The following FAM149B1 variants were observed in gnomAD, a reference collection of about 807,000 sequenced individuals.
FAM149B1 encodes primary cilium assembly protein FAM149B1.
FAM149B1 carries 56 observed loss-of-function variants against 75.3 expected under a neutral mutation model. The ratio of observed to expected loss-of-function variants is 0.74; its 90% CI spans 0.60 to 0.93. FAM149B1 has a LOEUF of 0.93. Among genes scored for constraint, FAM149B1 ranks in the 40% least tolerant of loss-of-function variants. The probability of loss-of-function intolerance (pLI) is 0.00; values close to 1 mark genes in which losing one functional copy is unlikely to be tolerated. For synonymous variants in FAM149B1, 259 were observed against 256.1 expected, an observed-to-expected ratio of 1.01 and a Z score of -0.11; for missense variants, 639 against 708.4, an observed-to-expected ratio of 0.90 and a Z score of 1.11.
Position 73,204,944 on chromosome 10 carries a change from ATTTTTTTTTTTTTTTTTTTTTTTTTT to A in FAM149B1, c.543-3648_543-3623del, listed in dbSNP as rs71021549. Among the ~76,000 whole-genome samples the A allele has an allele frequency of 6.3e-3, 232 of 36,580 alleles. 3 individuals are homozygous for A. The highest frequency in any genetic ancestry group is 9.9e-3 in the Non-Finnish European group (190 of 19,140). 24.0% of individuals were successfully genotyped at this position (36,580 alleles called of 152,430 possible). A position where few individuals can be genotyped will look rare whatever the true frequency, so the allele number is the denominator to read the frequency against. On this transcript the variant is annotated intron_variant, in intron 5 of 13. Transcript: ENST00000242505. The stretch of plus-strand genomic sequence containing the variant: ...AGGCACCCGCCACCATGCCTGGCTA[ATTTTTTTTTTTTTTTTTTTTTTTTTT>A]TTTTTTTTTTTTTTTTTTTTTTTTT...
intron 8 of FAM149B1, 108 bp from the exon 9 acceptor site, chr10:73,230,314 A>G (rs2043656984): frequency 6.0e-6 from 4 of 665,884 alleles, no homozygotes; most frequent in South Asian, 5.2e-5. Context: ...AAGCATGGGG[A>G]AAAAGTATAA....
Position 73,243,967 on chromosome 10 carries a change from G to A in FAM149B1, c.*2948G>A, listed in dbSNP as rs2043980826. 3 of 1,551,518 alleles carry A rather than the reference G, an allele frequency of 1.9e-6. No individual in the cohort carries two copies. The highest frequency in any genetic ancestry group is 1.4e-5 in the African/African-American group (1 of 73,024). On this transcript the variant is annotated 3_prime_UTR_variant, in exon 14 of 14. Coordinates refer to ENST00000242505, the MANE Select transcript of FAM149B1 (RefSeq NM_173348.2). ...CTCACATGAGACTCAGGGCCACCAG[G>A]AAATGCTTAAAATACATACTCTTTC...
chr10:73,236,862 C>T (rs755684282), intron 12 of FAM149B1, among the ~76,000 whole-genome samples: 5 of 151,630 alleles, frequency 3.3e-5, no homozygotes, highest in Non-Finnish European at 7.4e-5. Context: ...ACTACAGGCA[C>T]ATGCCACCAT....
At chr10:73,233,237 A>G (rs368400548) in intron 10 of FAM149B1, 74 bp downstream of exon 10, 6 of 1,060,002 alleles carry the variant, frequency 5.7e-6, no homozygotes, top group East Asian at 2.6e-5. Flanking sequence ...TAATTTAAAT[A>G]TAAGACTGAA....
intron 1 of FAM149B1, chr10:73,168,796 A>G (rs1843569860): frequency 5.9e-6 from 1 of 170,878 alleles, no homozygotes; most frequent in Non-Finnish European, 1.3e-5. Flanking sequence ...TGCACATTCT[A>G]CAGATAAAGA....
chr10:73,199,439 G>A (rs1173877665), intron 5 of FAM149B1, among the ~76,000 whole-genome samples: 1 of 152,036 alleles, frequency 6.6e-6, no homozygotes, highest in Non-Finnish European at 1.5e-5. Context: ...GGATGGTCTC[G>A]ATCTCCTGAC....
intron 7 of FAM149B1, among the ~76,000 whole-genome samples, chr10:73,224,097 C>G (rs906343389): frequency 2.6e-5 from 4 of 152,268 alleles, no homozygotes; most frequent in African/African-American, 9.6e-5. Flanking sequence ...TGAAATGGAG[C>G]TGGAGGATCT....
intron 6 of FAM149B1, 133 bp from the exon 7 acceptor site, chr10:73,210,118 G>T (rs2043155133): frequency 4.8e-6 from 3 of 619,074 alleles, no homozygotes; most frequent in Admixed American, 3.0e-5. Flanking sequence ...CTTCTATTTG[G>T]CCTTTGTCAA....
At position 73,244,193 on chromosome 10, in the gene FAM149B1, T is replaced by C. The variant is rs560278992; in HGVS notation, c.*3174T>C. 1.9e-5 allele frequency: 8 copies of C among 426,440 alleles called. No homozygotes were observed. In the South Asian group the frequency reaches 2.1e-4, roughly 11 times the overall value. The allele number at this position is 426,440 out of a possible 1,614,324, so 26.4% of individuals were successfully genotyped here. On this transcript the variant is annotated 3_prime_UTR_variant, in exon 14 of 14. Transcript: ENST00000242505. ...AGTACTCTGGCACTCATAAATCACA[T>C]GATGATAAAAAGGAACATGAGGCCG...
chr10:73,190,960 C>A (rs891577309), intron 3 of FAM149B1, among the ~76,000 whole-genome samples: 7 of 152,112 alleles, frequency 4.6e-5, no homozygotes, highest in Non-Finnish European at 1.0e-4. Context: ...CTCAAGTGAT[C>A]CTCCCCACTC....
rs1425508379 is a variant in FAM149B1, at chr10:73,200,522, T to C, written c.542+6929T>C. The C allele has an allele frequency of 1.7e-5, 12 of 702,018 alleles. No homozygotes were observed. In the African/African-American group the frequency reaches 2.1e-4, roughly 13 times the overall value. 43.5% of individuals were successfully genotyped at this position (702,018 alleles called of 1,614,324 possible). A position where few individuals can be genotyped will look rare whatever the true frequency, so the allele number is the denominator to read the frequency against. ...TGTGATATGTTAAACAGAAGATACC[T>C]TTTTTCCAAAATGGATCAAAATGTT... On this transcript the variant is annotated intron_variant, in intron 5 of 13. Transcript: ENST00000242505.
chr10:73,200,504 T>C (rs2042909130), intron 5 of FAM149B1: 2 of 639,464 alleles, frequency 3.1e-6, no homozygotes, highest in East Asian at 4.0e-5. Context: ...ATGTGTGATA[T>C]GTTAAACAGA....
intron 8 of FAM149B1, chr10:73,230,185 G>T: frequency 2.5e-6 from 1 of 395,394 alleles, no homozygotes; most frequent in Non-Finnish European, 4.7e-6. Flanking sequence ...TTTTCATCCA[G>T]ATTGATCAGG....
intron 3 of FAM149B1, among the ~76,000 whole-genome samples, chr10:73,189,122 C>A (rs1377809008): frequency 1.3e-5 from 2 of 151,770 alleles, no homozygotes; most frequent in Non-Finnish European, 2.9e-5. Flanking sequence ...CATAAATGGC[C>A]ACGTAGCATG....
chr10:73,220,312 A>G (rs1489210057), intron 7 of FAM149B1, among the ~76,000 whole-genome samples: 2 of 152,188 alleles, frequency 1.3e-5, no homozygotes, highest in African/African-American at 4.8e-5. Context: ...ACCCTCATAC[A>G]TGGCAGTGGA....
In FAM149B1 at chr10:73,241,193, T is replaced by G. The variant is rs2043945212; in HGVS notation, c.*174T>G. ...AACACCATAGCAGCCAAAAATGACATGAGTGTTGTTTCTATCTCCAGTTAC... is the reference window on the plus strand; with the variant it reads ...AACACCATAGCAGCCAAAAATGACAGGAGTGTTGTTTCTATCTCCAGTTAC... On this transcript the variant is annotated 3_prime_UTR_variant, in exon 14 of 14. Coordinates refer to ENST00000242505, the MANE Select transcript of FAM149B1 (RefSeq NM_173348.2). 6.9e-6 allele frequency: 4 copies of G among 581,730 alleles called. No individual in the cohort carries two copies. The highest frequency in any genetic ancestry group is 5.4e-5 in the Admixed American group (2 of 37,300). The allele number at this position is 581,730 out of a possible 1,614,324, so 36.0% of individuals were successfully genotyped here.
chr10:73,227,080 ATATT>A (rs1255786056), intron 7 of FAM149B1, among the ~76,000 whole-genome samples: 1 of 152,092 alleles, frequency 6.6e-6, no homozygotes, highest in Non-Finnish European at 1.5e-5. Flanking sequence ...ATGAAGAAAA[ATATT>A]TATTTTTTAT....
At chr10:73,239,280 T>C in intron 12 of FAM149B1, 32 bp from the exon 13 acceptor site, 1 of 1,521,224 alleles carries the variant, frequency 6.6e-7, no homozygotes, top group Non-Finnish European at 8.9e-7. Flanking sequence ...AGAAGATGCA[T>C]CATAAGAAGT....
chr10:73,242,248 G>T lies in FAM149B1; in HGVS notation c.*1229G>T, dbSNP rs2043963334. On this transcript the variant is annotated 3_prime_UTR_variant, in exon 14 of 14. Transcript: ENST00000242505. The stretch of plus-strand genomic sequence containing the variant: ...GCTAAAGGCTTACTTTATGCATACG[G>T]TATATTTAATAGTCTACAAATCAAA... The T allele has an allele frequency of 1.3e-5, 2 of 152,066 alleles. No homozygotes were observed. Among genetic ancestry groups the T allele is most frequent in the Non-Finnish European group, 2.9e-5 (2 of 68,012 alleles). 9.4% of individuals were successfully genotyped at this position (152,066 alleles called of 1,614,324 possible). A position where few individuals can be genotyped will look rare whatever the true frequency, so the allele number is the denominator to read the frequency against.
Sources: gnomAD v4.1 joint callset for allele counts (sites outside exome capture counted in the v4.1 genomes callset) on GRCh38, gnomAD v4.1.1 for gene constraint, MANE v1.5 for transcripts, NCBI Gene and HGNC (gene_info 2026-07-23, HGNC 2026-07-21) for gene names.